Variants in TRERF1 observed in about 807,000 individuals in gnomAD.
TRERF1 encodes the protein transcriptional regulating factor 1.
A neutral mutation model predicts 122.9 loss-of-function variants in TRERF1; 27 were observed. The observed-to-expected ratio is 0.22, with a 90% CI of 0.16 to 0.30. The LOEUF is 0.30. TRERF1 is among the 10% of genes least tolerant of loss of function. The pLI, the probability that TRERF1 is intolerant of heterozygous loss-of-function variation, is 1.00. For missense variants in TRERF1, 1,248 were observed against 1,560.3 expected (o/e 0.80, Z 3.37); for synonymous variants, 636 against 641.7 (o/e 0.99, Z 0.13).
rs189140604 is a variant in TRERF1, at chr6:42,448,212, T to A, written c.-454+2965A>T. Reference sequence around the variant, plus strand: ...ACTGGGCTTTCTGGTCTCCAGTTTCTCCCCAAAGCTATCTCCTCCTGCTGC... The same window carrying A: ...ACTGGGCTTTCTGGTCTCCAGTTTCACCCCAAAGCTATCTCCTCCTGCTGC... On this transcript the variant is annotated intron_variant, in intron 2 of 17. Transcript: ENST00000372922. Among the ~76,000 whole-genome samples, 146 of 152,270 alleles carry A rather than the reference T, an allele frequency of 9.6e-4. 1 individual carries two copies. Among genetic ancestry groups the A allele is most frequent in the Non-Finnish European group, 5.9e-5 (4 of 68,012 alleles).
chr6:42,256,493 CCCACAGTT>C (rs1336574410), intron 12 of TRERF1, among the ~76,000 whole-genome samples: 2 of 152,012 alleles, frequency 1.3e-5, no homozygotes, highest in Non-Finnish European at 2.9e-5. Flanking sequence ...GACAGATGTA[CCCACAGTT>C]CTAACTTTAG....
chr6:42,259,514 G>C lies in TRERF1; in HGVS notation c.2094C>G (p.Leu698=), dbSNP rs1003605314. 1.2e-6 allele frequency: 2 copies of C among 1,612,770 alleles called. No individual in the cohort carries two copies. Among genetic ancestry groups the C allele is most frequent in the African/African-American group, 1.3e-5 (1 of 74,908 alleles). Residue 698 remains leucine, a synonymous_variant, in exon 9 of 18, where the codon CTC becomes CTG. Transcript: ENST00000372922. The surrounding 1 kb of genome is among the most constrained non-coding windows in gnomAD (Gnocchi z 4.9). ...GGGGCAGCTCGTGGGTGGGGTCCAG[G>C]AGCAGGTGGTCCCCGAGGACGCGCG...
chr6:42,354,975 G>C (rs953837307), intron 3 of TRERF1, among the ~76,000 whole-genome samples: 50 of 152,140 alleles, frequency 3.3e-4, no homozygotes, highest in African/African-American at 1.2e-3. Flanking sequence ...CAAATCCTTA[G>C]TTTCAAGCTC....
At chr6:42,262,557 G>C (rs1479519338) in intron 8 of TRERF1, among the ~76,000 whole-genome samples, 26 of 138,350 alleles carry the variant, frequency 1.9e-4, no homozygotes, top group South Asian at 5.1e-4. Context: ...GAGAGAGAGA[G>C]AGAGAGAGAG....
intron 3 of TRERF1, among the ~76,000 whole-genome samples, chr6:42,344,918 G>A (rs1473508251): frequency 1.3e-5 from 2 of 152,148 alleles, no homozygotes; most frequent in Non-Finnish European, 2.9e-5. Flanking sequence ...ATGAGGGCAG[G>A]GAATCTTCTC....
chr6:42,399,274 G>A (rs1002282193), intron 2 of TRERF1, among the ~76,000 whole-genome samples: 1 of 152,310 alleles, frequency 6.6e-6, no homozygotes, highest in East Asian at 1.9e-4. Flanking sequence ...AACCAATACT[G>A]TAGTCAAATT....
At chr6:42,325,626 C>G (rs924445232) in intron 3 of TRERF1, among the ~76,000 whole-genome samples, 14 of 152,188 alleles carry the variant, frequency 9.2e-5, no homozygotes, top group Admixed American at 4.6e-4. Flanking sequence ...GTAATCCCAG[C>G]ACTTTGGGAG....
At chr6:42,399,773 A>C (rs964552376) in intron 2 of TRERF1, among the ~76,000 whole-genome samples, 12 of 152,178 alleles carry the variant, frequency 7.9e-5, no homozygotes, top group Non-Finnish European at 1.8e-4. Context: ...GAACTGTGGC[A>C]TTCTGAACAT....
chr6:42,379,135 T>TTTA (rs145546688), intron 2 of TRERF1, among the ~76,000 whole-genome samples: 20 of 151,914 alleles, frequency 1.3e-4, no homozygotes, highest in African/African-American at 4.8e-4. Context: ...AAAATTTTTT[T>TTTA]AATATATTTT....
chr6:42,418,632 A>G (rs1179944233), intron 2 of TRERF1, among the ~76,000 whole-genome samples: 1 of 152,038 alleles, frequency 6.6e-6, no homozygotes, highest in Non-Finnish European at 1.5e-5. Flanking sequence ...TGCTTTGAGT[A>G]CTAGATTATA....
chr6:42,418,218 C>CT (rs34388801), intron 2 of TRERF1, among the ~76,000 whole-genome samples: 4,997 of 34,572 alleles, frequency 0.14, 628 homozygotes, highest in African/African-American at 0.18. Context: ...TTTTTCTTTC[C>CT]TTTTTTTTTT....
chr6:42,249,309 C>G (rs1385516008), intron 13 of TRERF1, among the ~76,000 whole-genome samples: 1 of 152,208 alleles, frequency 6.6e-6, no homozygotes, highest in Non-Finnish European at 1.5e-5. Context: ...ACAGGGCCAT[C>G]CAGCCTTCTC....
intron 2 of TRERF1, among the ~76,000 whole-genome samples, chr6:42,428,823 C>T (rs1784040715): frequency 1.3e-5 from 2 of 152,214 alleles, no homozygotes; most frequent in South Asian, 2.1e-4. Context: ...GTCTAAGCCA[C>T]TTCCTCATGA....
chr6:42,363,217 A>C (rs1238356190), intron 2 of TRERF1, 138 bp from the exon 3 acceptor site: 2 of 152,262 alleles, frequency 1.3e-5, no homozygotes, highest in Non-Finnish European at 2.9e-5. Flanking sequence ...CCCACCCAGG[A>C]CGAGGACCCA....
intron 2 of TRERF1, among the ~76,000 whole-genome samples, chr6:42,426,912 C>T (rs754624486): frequency 1.1e-4 from 16 of 152,110 alleles, no homozygotes; most frequent in African/African-American, 3.1e-4. Flanking sequence ...AATTCACTTA[C>T]GAATGTATTA....
intron 2 of TRERF1, among the ~76,000 whole-genome samples, chr6:42,434,679 C>G (rs1017252829): frequency 1.0e-4 from 15 of 149,746 alleles, no homozygotes; most frequent in African/African-American, 2.2e-4. Flanking sequence ...CACACACACA[C>G]ACACACACAC....
chr6:42,228,681 G>GA lies in TRERF1; in HGVS notation c.3279-13dup. On this transcript the variant is annotated splice_polypyrimidine_tract_variant and intron_variant, in intron 17 of 17. Coordinates refer to ENST00000372922, the Ensembl canonical transcript of TRERF1. This position sits in a 1 kb window ranked among gnomAD's most constrained non-coding sequence, Gnocchi z 4.2. The stretch of plus-strand genomic sequence containing the variant: ...TCTTGAAGAAGACTCTAAAAATAAA[G>GA]AAAGAGAGGTGTGTAGAATTTAGAA... 1 of 1,580,470 alleles carries GA rather than the reference G, an allele frequency of 6.3e-7. No homozygotes were observed. The highest frequency in any genetic ancestry group is 8.6e-7 in the Non-Finnish European group (1 of 1,165,440).
chr6:42,357,059 G>A lies in TRERF1; in HGVS notation c.-371+5938C>T, dbSNP rs1032377145. On this transcript the variant is annotated intron_variant, in intron 3 of 17. Transcript: ENST00000372922. ...TTAAGACCCAATGTTGGCTGGGTGC[G>A]GTGACTCACGCCTGTAATCCCAGCA... Among the ~76,000 whole-genome samples, 10 of 152,054 alleles carry A rather than the reference G, an allele frequency of 6.6e-5. 1 individual carries two copies. The Middle Eastern group carries it at 0.014, about 207-fold the overall frequency.
chr6:42,259,377 G>A lies in TRERF1; in HGVS notation c.2231C>T (p.Pro744Leu). ...CAGCACCCGTGGTGTGGGCGTCAGG[G>A]GCGTCAGGGGCAGCTGCGGGTGGGC... Residue 744 changes from proline (P) to leucine (L), a missense_variant, in exon 9 of 18, where the codon CCC (proline) becomes CTC (leucine). By Grantham distance (98) the Pro-to-Leu change is moderately conservative. This residue lies in a region of TRERF1 where 946 missense variants were observed against 1,073.0 expected (regional missense o/e 0.88). Coordinates refer to ENST00000372922, the Ensembl canonical transcript of TRERF1. The surrounding 1 kb of genome is among the most constrained non-coding windows in gnomAD (Gnocchi z 4.9). 1 of 1,521,912 alleles carries A rather than the reference G, an allele frequency of 6.6e-7. No homozygotes were observed. Among genetic ancestry groups the A allele is most frequent in the Non-Finnish European group, 8.7e-7 (1 of 1,145,220 alleles). 94.3% of individuals were successfully genotyped at this position (1,521,912 alleles called of 1,614,324 possible).
Sources: allele counts gnomAD v4.1 joint callset (sites outside exome capture counted in the v4.1 genomes callset), GRCh38; gene constraint gnomAD v4.1.1; regional missense constraint gnomAD v4.1.1; non-coding constraint Gnocchi (gnomAD v3.1); transcripts MANE v1.5; gene names NCBI Gene and HGNC (gene_info 2026-07-23, HGNC 2026-07-21).